The following PHLDB2 variants were observed in gnomAD, a reference collection of about 807,000 sequenced individuals.
PHLDB2 encodes pleckstrin homology-like domain family B member 2.
A neutral mutation model predicts 123.6 loss-of-function variants in PHLDB2; 71 were observed. The ratio of observed to expected loss-of-function variants is 0.57; its 90% confidence interval spans 0.47 to 0.70. The LOEUF (loss-of-function observed/expected upper bound fraction) is 0.70. PHLDB2 is among the 30% of genes least tolerant of loss of function. The pLI is 0.00. For missense variants in PHLDB2, 1,446 were observed against 1,519.5 expected (o/e 0.95, Z 0.80); for synonymous variants, 547 against 541.6 (o/e 1.01, Z -0.14).
chr3:111,896,543 C>T (rs1307227330), intron 2 of PHLDB2, among the ~76,000 whole-genome samples: 20 of 152,122 alleles, frequency 1.3e-4, no homozygotes, highest in Admixed American at 7.2e-4. Context: ...GACGGGGTTT[C>T]GCCACGTATG....
chr3:111,740,545 T>C (rs1313437846), intron 1 of PHLDB2, among the ~76,000 whole-genome samples: 1 of 152,194 alleles, frequency 6.6e-6, no homozygotes, highest in Non-Finnish European at 1.5e-5. Flanking sequence ...ACTTCTCTGT[T>C]TCTACTCTAT....
rs374117863 is a variant in PHLDB2, at chr3:111,954,448, A to G, written c.2872+419A>G. Among the ~76,000 whole-genome samples, 13 of 152,210 alleles carry G rather than the reference A, an allele frequency of 8.5e-5. 1 individual carries two copies. The East Asian group carries it at 1.3e-3, about 16-fold the overall frequency. ...ATTGAGCTGACACAGCAAATATAGC[A>G]TTAGTGGCCCAGAACAGAATTCTTA... On this transcript the variant is annotated intron_variant, in intron 12 of 17. Coordinates refer to ENST00000431670, the MANE Select transcript of PHLDB2 (RefSeq NM_001134438.2).
At chr3:111,840,418 T>C (rs2063630155) in intron 1 of PHLDB2, among the ~76,000 whole-genome samples, 1 of 152,158 alleles carries the variant, frequency 6.6e-6, no homozygotes, top group South Asian at 2.1e-4. Context: ...TCCTACCTGG[T>C]CATGGTATAT....
At chr3:111,910,882 C>A (rs1023190415) in intron 2 of PHLDB2, among the ~76,000 whole-genome samples, 1 of 152,204 alleles carries the variant, frequency 6.6e-6, no homozygotes, top group African/African-American at 2.4e-5. Context: ...TCAGTGCAAC[C>A]TGGTTTTCTT....
intron 1 of PHLDB2, among the ~76,000 whole-genome samples, chr3:111,869,589 G>A (rs909343655): frequency 2.0e-5 from 3 of 152,182 alleles, no homozygotes; most frequent in South Asian, 2.1e-4. Context: ...CCTGTCACCT[G>A]GTGAATTCCG....
intron 1 of PHLDB2, among the ~76,000 whole-genome samples, chr3:111,828,149 T>C (rs2062756349): frequency 6.6e-6 from 1 of 152,176 alleles, no homozygotes; most frequent in Non-Finnish European, 1.5e-5. Flanking sequence ...ACAGAACCAG[T>C]GTATTTCCCA....
At chr3:111,756,976 C>T (rs1016499088) in intron 1 of PHLDB2, among the ~76,000 whole-genome samples, 11 of 152,240 alleles carry the variant, frequency 7.2e-5, no homozygotes, top group African/African-American at 2.6e-4. Context: ...GAATATTGGC[C>T]CCCACTCTCT....
chr3:111,920,305 G>A lies in PHLDB2; in HGVS notation c.1887G>A (p.Leu629=). The A allele has an allele frequency of 6.2e-7, 1 of 1,613,830 alleles. No homozygotes were observed. The highest frequency in any genetic ancestry group is 8.5e-7 in the Non-Finnish European group (1 of 1,179,882). The change falls in exon 5 of 18, where the codon TTG becomes TTA. Residue 629 remains leucine, a synonymous_variant. Coordinates refer to ENST00000431670, the MANE Select transcript of PHLDB2 (RefSeq NM_001134438.2). ...AGTTGGATATGGAATGTGCTCTTTTGGATGGAGAACAGAAATCTGAAACAA... is the reference window on the plus strand; with the variant it reads ...AGTTGGATATGGAATGTGCTCTTTTAGATGGAGAACAGAAATCTGAAACAA... ...FRELDMECAL[L]DGEQKSETTE...
intron 2 of PHLDB2, among the ~76,000 whole-genome samples, chr3:111,900,838 T>C (rs1056636649): frequency 2.0e-5 from 3 of 152,196 alleles, no homozygotes; most frequent in African/African-American, 4.8e-5. Context: ...GAGATATGCC[T>C]GTAGTTACTT....
intron 1 of PHLDB2, among the ~76,000 whole-genome samples, chr3:111,813,826 G>C (rs568948773): frequency 7.6e-4 from 116 of 152,264 alleles, no homozygotes; most frequent in African/African-American, 2.8e-3. Flanking sequence ...CAAACACATA[G>C]TTTTATCAAA....
At chr3:111,762,178 A>G (rs2060007731) in intron 1 of PHLDB2, among the ~76,000 whole-genome samples, 1 of 152,224 alleles carries the variant, frequency 6.6e-6, no homozygotes, top group Non-Finnish European at 1.5e-5. Flanking sequence ...TGATAAACTT[A>G]AGTCAGTCAC....
At chr3:111,804,505 C>T (rs2061496748) in intron 1 of PHLDB2, among the ~76,000 whole-genome samples, 1 of 152,152 alleles carries the variant, frequency 6.6e-6, no homozygotes, top group Non-Finnish European at 1.5e-5. Flanking sequence ...TGATGCTAGG[C>T]CCCAACCTAC....
chr3:111,848,901 T>C (rs2064129234), intron 2 of PHLDB2, among the ~76,000 whole-genome samples: 1 of 152,250 alleles, frequency 6.6e-6, no homozygotes, highest in African/African-American at 2.4e-5. Flanking sequence ...ATGCCATTCT[T>C]ATGGTTATGC....
chr3:111,799,500 AT>A (rs144185797), intron 1 of PHLDB2, among the ~76,000 whole-genome samples: 3,251 of 152,330 alleles, frequency 0.021, 87 homozygotes, highest in African/African-American at 0.065. Flanking sequence ...TCTATAAATT[AT>A]TTTTTTGAAA....
chr3:111,747,781 C>A (rs2059703421), intron 1 of PHLDB2, among the ~76,000 whole-genome samples: 1 of 152,194 alleles, frequency 6.6e-6, no homozygotes, highest in Admixed American at 6.5e-5. Context: ...TTACTTCCTC[C>A]CATTTTCTCT....
At chr3:111,843,398 G>A in intron 1 of PHLDB2, among the ~76,000 whole-genome samples, 1 of 152,106 alleles carries the variant, frequency 6.6e-6, no homozygotes, top group Non-Finnish European at 1.5e-5. Flanking sequence ...TGAGTATTTT[G>A]ATTTTTTTAT....
chr3:111,878,127 A>G (rs1264749011), intron 1 of PHLDB2, among the ~76,000 whole-genome samples: 2 of 152,328 alleles, frequency 1.3e-5, no homozygotes, highest in Middle Eastern at 3.4e-3. Flanking sequence ...CATTGAATCT[A>G]TAAATTACTT....
At chr3:111,845,542 G>T (rs1402212382) in intron 1 of PHLDB2, among the ~76,000 whole-genome samples, 1 of 152,064 alleles carries the variant, frequency 6.6e-6, no homozygotes, top group African/African-American at 2.4e-5. Flanking sequence ...TTTGGTTTAA[G>T]CATTGTCCAT....
intron 1 of PHLDB2, among the ~76,000 whole-genome samples, chr3:111,882,099 G>T (rs1182532206): frequency 6.6e-6 from 1 of 152,080 alleles, no homozygotes; most frequent in African/African-American, 2.4e-5. Flanking sequence ...TTCAAAATAT[G>T]ATTTTAAATG....
Sources: gnomAD v4.1 joint callset for allele counts (sites outside exome capture counted in the v4.1 genomes callset) on GRCh38, gnomAD v4.1.1 for gene constraint, MANE v1.5 for transcripts, NCBI Gene and HGNC (gene_info 2026-07-23, HGNC 2026-07-21) for gene names.